The following CCDC91 variants were observed in gnomAD, a reference collection of about 807,000 sequenced individuals.
CCDC91 encodes the protein coiled-coil domain-containing protein 91.
A neutral mutation model predicts 63.2 loss-of-function variants in CCDC91; 48 were observed. The observed-to-expected ratio is 0.76, with a 90% CI of 0.60 to 0.97. CCDC91 has a LOEUF of 0.97. Among genes scored for constraint, CCDC91 ranks in the 50% least tolerant of loss-of-function variants. CCDC91 has a pLI of 0.00. For synonymous variants in CCDC91, 167 were observed against 165.8 expected, an observed-to-expected ratio of 1.01 and a Z score of -0.06; for missense variants, 500 against 494.6, an observed-to-expected ratio of 1.01 and a Z score of -0.10.
intron 6 of CCDC91, among the ~76,000 whole-genome samples, chr12:28,315,245 A>G (rs1939733904): frequency 6.6e-6 from 1 of 151,692 alleles, no homozygotes; most frequent in Admixed American, 6.6e-5. Context: ...GCTCACTGCA[A>G]CTTCCACCTC....
At position 28,446,725 on chromosome 12, in the gene CCDC91, A is replaced by G. The variant is rs538712233; in HGVS notation, c.763-3436A>G. On this transcript the variant is annotated intron_variant, in intron 8 of 12. Coordinates refer to ENST00000536442, the MANE Select transcript of CCDC91 (RefSeq NM_018318.5). ...AGTGATCCATCCATCTTGGCCTCCC[A>G]AAGTGCTGGGTTTACATATGTGAGC... Among the ~76,000 whole-genome samples the G allele has an allele frequency of 2.0e-5, 3 of 152,144 alleles. No homozygotes were observed. The East Asian group carries it at 5.8e-4, about 29-fold the overall frequency.
In CCDC91 at chr12:28,429,176, G is replaced by A. The variant is rs147359088; in HGVS notation, c.763-20985G>A. Among the ~76,000 whole-genome samples the A allele has an allele frequency of 3.5e-3, 532 of 152,264 alleles. 7 individuals are homozygous for A. Among genetic ancestry groups the A allele is most frequent in the African/African-American group, 0.012 (500 of 41,548 alleles). ...GATTGGTCAGGTTGCACTTAGGGGAGTTATTTAATTAGTTTCCCAATAATG... is the reference window on the plus strand; with the variant it reads ...GATTGGTCAGGTTGCACTTAGGGGAATTATTTAATTAGTTTCCCAATAATG... On this transcript the variant is annotated intron_variant, in intron 8 of 12. Coordinates refer to ENST00000536442, the MANE Select transcript of CCDC91 (RefSeq NM_018318.5).
intron 8 of CCDC91, among the ~76,000 whole-genome samples, chr12:28,436,870 T>C (rs1948936543): frequency 1.3e-5 from 2 of 151,958 alleles, no homozygotes; most frequent in South Asian, 4.1e-4. Context: ...TCCTCCAATC[T>C]TGTAGTTTAA....
chr12:28,232,370 G>C (rs1433294519), intron 1 of CCDC91, among the ~76,000 whole-genome samples: 1 of 151,916 alleles, frequency 6.6e-6, no homozygotes. Flanking sequence ...GAATTGCACA[G>C]GGTTTCAGTT....
intron 12 of CCDC91, among the ~76,000 whole-genome samples, chr12:28,510,036 A>G (rs1213372125): frequency 6.6e-6 from 1 of 151,900 alleles, no homozygotes; most frequent in African/African-American, 2.4e-5. Context: ...GTACCCATGT[A>G]GAAGGGAGTA....
chr12:28,285,961 C>T (rs745535423), intron 3 of CCDC91, among the ~76,000 whole-genome samples: 6 of 151,922 alleles, frequency 3.9e-5, no homozygotes, highest in Non-Finnish European at 8.8e-5. Context: ...TTGTTCTGCT[C>T]ATTTTTTAAA....
At chr12:28,484,191 T>C in intron 12 of CCDC91, 26 bp downstream of exon 12, 1 of 1,338,194 alleles carries the variant, frequency 7.5e-7, no homozygotes, top group Non-Finnish European at 1.0e-6. Flanking sequence ...AGAGTTTTAA[T>C]TTGTGCTTCA....
intron 3 of CCDC91, among the ~76,000 whole-genome samples, chr12:28,281,707 A>G (rs1176966034): frequency 6.6e-6 from 1 of 152,172 alleles, no homozygotes; most frequent in Non-Finnish European, 1.5e-5. Context: ...GCCATTAGCA[A>G]CAGTGTTGTT....
At chr12:28,263,585 G>C (rs1223075767) in intron 3 of CCDC91, among the ~76,000 whole-genome samples, 3 of 151,914 alleles carry the variant, frequency 2.0e-5, no homozygotes, top group Non-Finnish European at 4.4e-5. Flanking sequence ...TTGTTTATCT[G>C]TTCATTTGTT....
chr12:28,535,353 T>C (rs1942068015), intron 12 of CCDC91, among the ~76,000 whole-genome samples: 1 of 152,224 alleles, frequency 6.6e-6, no homozygotes, highest in South Asian at 2.1e-4. Flanking sequence ...GATAATAGTC[T>C]GCATTTGACC....
chr12:28,216,768 G>A (rs931107585), intron 1 of CCDC91, among the ~76,000 whole-genome samples: 5 of 152,124 alleles, frequency 3.3e-5, no homozygotes, highest in East Asian at 1.9e-4. Flanking sequence ...TTGTTCAGGA[G>A]AGAAAATCGT....
intron 7 of CCDC91, among the ~76,000 whole-genome samples, chr12:28,365,063 AACTG>A (rs771148300): frequency 1.2e-4 from 19 of 152,214 alleles, no homozygotes; most frequent in Admixed American, 1.3e-4. Context: ...TTTGACTATA[AACTG>A]ACTGTGAGCT....
At chr12:28,388,477 G>C (rs1945740711) in intron 7 of CCDC91, among the ~76,000 whole-genome samples, 1 of 152,116 alleles carries the variant, frequency 6.6e-6, no homozygotes, top group African/African-American at 2.4e-5. Flanking sequence ...CAACCAAACT[G>C]AGAATCAAAT....
intron 7 of CCDC91, among the ~76,000 whole-genome samples, chr12:28,381,335 A>C (rs1945285970): frequency 6.6e-6 from 1 of 152,108 alleles, no homozygotes; most frequent in Non-Finnish European, 1.5e-5. Flanking sequence ...TTGATTTTAT[A>C]CCAAGGATAA....
chr12:28,311,523 G>C (rs1329278359), intron 6 of CCDC91, among the ~76,000 whole-genome samples: 5 of 151,960 alleles, frequency 3.3e-5, no homozygotes, highest in Admixed American at 3.3e-4. Flanking sequence ...GGCCTTTTGT[G>C]ACAGAGGTGG....
intron 8 of CCDC91, among the ~76,000 whole-genome samples, chr12:28,404,177 C>T (rs1946793095): frequency 6.6e-6 from 1 of 151,906 alleles, no homozygotes; most frequent in Admixed American, 6.6e-5. Context: ...CCTCTAAGCA[C>T]CTCTTTCGGT....
At chr12:28,453,872 G>A (rs907748182) in intron 11 of CCDC91, among the ~76,000 whole-genome samples, 4 of 152,058 alleles carry the variant, frequency 2.6e-5, no homozygotes, top group Admixed American at 1.3e-4. Context: ...ATAGATGTGG[G>A]CCATTCATCA....
chr12:28,310,209 T>TG (rs1471830335), intron 6 of CCDC91, among the ~76,000 whole-genome samples: 1 of 152,088 alleles, frequency 6.6e-6, no homozygotes, highest in Admixed American at 6.6e-5. Context: ...TTGTCTCCAC[T>TG]GAATGACTTA....
chr12:28,524,449 A>G (rs1941066899), intron 12 of CCDC91, among the ~76,000 whole-genome samples: 2 of 151,844 alleles, frequency 1.3e-5, no homozygotes, highest in Admixed American at 1.3e-4. Context: ...CTGGTATTAA[A>G]CCCACTTTAA....
Sources: gnomAD v4.1 joint callset for allele counts (sites outside exome capture counted in the v4.1 genomes callset) on GRCh38, gnomAD v4.1.1 for gene constraint, MANE v1.5 for transcripts, NCBI Gene and HGNC (gene_info 2026-07-23, HGNC 2026-07-21) for gene names.